FAT3: variants seen among roughly 807,000 people sequenced by gnomAD.
The protein encoded by FAT3 is protocadherin Fat 3.
Under a neutral mutation model 310.2 loss-of-function variants are expected in FAT3, and 95 were observed. The observed-to-expected ratio is 0.31, with a 90% CI of 0.26 to 0.36. The LOEUF is 0.36. Ranked by LOEUF, FAT3 falls within the 10% of genes least tolerant of loss-of-function variation. FAT3 has a pLI of 1.00. For missense variants in FAT3, 5,408 were observed against 5,715.6 expected (o/e 0.95, Z 1.74); for synonymous variants, 2,314 against 2,192.9 (o/e 1.06, Z -1.54).
chr11:92,780,694 A>C (rs949720602), intron 7 of FAT3, among the ~76,000 whole-genome samples: 6 of 152,152 alleles, frequency 3.9e-5, no homozygotes, highest in African/African-American at 1.4e-4. Flanking sequence ...ACCTGGCCCT[A>C]CTAGTTATGA....
In FAT3 at chr11:92,837,658, G is replaced by A. The variant is rs1591798163; in HGVS notation, c.10225-5G>A. The A allele has an allele frequency of 6.2e-7, 1 of 1,613,634 alleles. No individual in the cohort carries two copies. On this transcript the variant is annotated splice_polypyrimidine_tract_variant and splice_region_variant and intron_variant, in intron 16 of 27. Coordinates refer to ENST00000525166, the MANE Select transcript of FAT3 (RefSeq NM_001367949.2). ...CTTTACTGTCACCTCTTTGTACCTT[G>A]GCAGGTGTCTGGATACTCTCTGCTT...
chr11:92,878,587 T>A (rs1949589654), intron 22 of FAT3, among the ~76,000 whole-genome samples: 1 of 103,586 alleles, frequency 9.7e-6, no homozygotes, highest in African/African-American at 3.7e-5. Flanking sequence ...CTCAGACAGA[T>A]AAGAGAAGAT....
At chr11:92,700,373 T>C (rs1944062053) in intron 4 of FAT3, among the ~76,000 whole-genome samples, 1 of 152,062 alleles carries the variant, frequency 6.6e-6, no homozygotes, top group Non-Finnish European at 1.5e-5. Flanking sequence ...GGAAAGCCTT[T>C]AAGCAGGGGT....
At chr11:92,568,158 G>A (rs1027883037) in intron 3 of FAT3, among the ~76,000 whole-genome samples, 1 of 152,126 alleles carries the variant, frequency 6.6e-6, no homozygotes, top group African/African-American at 2.4e-5. Context: ...AAATCAATAA[G>A]GTGTCTGTCA....
intron 3 of FAT3, among the ~76,000 whole-genome samples, chr11:92,600,383 G>A (rs530107615): frequency 6.6e-6 from 1 of 152,278 alleles, no homozygotes; most frequent in East Asian, 1.9e-4. Flanking sequence ...AAAATCAGTT[G>A]GGGAGAGAAG....
chr11:92,259,975 A>G (rs537249835), intron 1 of FAT3, among the ~76,000 whole-genome samples: 2 of 152,268 alleles, frequency 1.3e-5, no homozygotes, highest in African/African-American at 4.8e-5. Flanking sequence ...CAAAGATAAG[A>G]CAGTTTTACT....
chr11:92,536,671 G>A (rs764546318), intron 3 of FAT3, among the ~76,000 whole-genome samples: 3 of 152,086 alleles, frequency 2.0e-5, no homozygotes, highest in Non-Finnish European at 4.4e-5. Flanking sequence ...TAGACAGTTC[G>A]TCTTTTCAAA....
chr11:92,441,414 A>G (rs532515793), intron 2 of FAT3, among the ~76,000 whole-genome samples: 2 of 152,350 alleles, frequency 1.3e-5, no homozygotes, highest in South Asian at 4.1e-4. Context: ...TGAAAAATGA[A>G]TAATCAAAAG....
chr11:92,269,643 A>G (rs920802361), intron 1 of FAT3, among the ~76,000 whole-genome samples: 11 of 152,156 alleles, frequency 7.2e-5, no homozygotes, highest in African/African-American at 1.7e-4. Flanking sequence ...AAAACCGTGC[A>G]TGTCTAGAGT....
intron 2 of FAT3, among the ~76,000 whole-genome samples, chr11:92,428,358 G>C (rs1164256975): frequency 6.7e-6 from 1 of 148,884 alleles, no homozygotes; most frequent in Non-Finnish European, 1.5e-5. Context: ...TTTTTCCAAG[G>C]GTTCTTCATG....
At chr11:92,581,841 A>C (rs1161842733) in intron 3 of FAT3, among the ~76,000 whole-genome samples, 1 of 152,046 alleles carries the variant, frequency 6.6e-6, no homozygotes, top group African/African-American at 2.4e-5. Flanking sequence ...CAGGAAAGGG[A>C]TCCAAATCCA....
chr11:92,256,964 A>G (rs1865342353), intron 1 of FAT3, among the ~76,000 whole-genome samples: 1 of 152,086 alleles, frequency 6.6e-6, no homozygotes, highest in African/African-American at 2.4e-5. Flanking sequence ...AATAGTAGCA[A>G]CATGTCCTAT....
At chr11:92,789,032 C>A (rs981358356) in intron 7 of FAT3, among the ~76,000 whole-genome samples, 4 of 152,060 alleles carry the variant, frequency 2.6e-5, no homozygotes, top group African/African-American at 9.7e-5. Context: ...GATAAACAAA[C>A]AAAACATACT....
At chr11:92,757,733 A>G (rs1946042471) in intron 4 of FAT3, among the ~76,000 whole-genome samples, 1 of 152,198 alleles carries the variant, frequency 6.6e-6, no homozygotes, top group East Asian at 1.9e-4. Flanking sequence ...CAGTTCAGCA[A>G]ACATTTATCC....
At chr11:92,340,935 C>G (rs979943454) in intron 1 of FAT3, among the ~76,000 whole-genome samples, 2 of 152,016 alleles carry the variant, frequency 1.3e-5, no homozygotes, top group Admixed American at 6.6e-5. Flanking sequence ...TGCGGAGATC[C>G]GGAAGACTAG....
intron 13 of FAT3, among the ~76,000 whole-genome samples, chr11:92,815,485 A>G (rs1048273155): frequency 6.6e-5 from 10 of 152,164 alleles, no homozygotes; most frequent in African/African-American, 2.4e-4. Flanking sequence ...AGGCAGGAGA[A>G]TGGCATGAAC....
chr11:92,478,752 GATTAT>G (rs888589740), intron 2 of FAT3, among the ~76,000 whole-genome samples: 2 of 151,900 alleles, frequency 1.3e-5, no homozygotes, highest in African/African-American at 2.4e-5. Flanking sequence ...GAGTAGCTGG[GATTAT>G]AGGTTCCCAC....
In FAT3 at chr11:92,645,770, T is replaced by A. The variant is rs151300958; in HGVS notation, c.3608-51614T>A. ...ATTTGGATATTACAAAAGTATTTAA[T>A]AACATTATTTGTTTTCATGTTCATT... On this transcript the variant is annotated intron_variant, in intron 3 of 27. Coordinates refer to ENST00000525166, the MANE Select transcript of FAT3 (RefSeq NM_001367949.2). Among the ~76,000 whole-genome samples, 384 of 152,374 alleles carry A rather than the reference T, an allele frequency of 2.5e-3. 2 individuals carry two copies. The highest frequency in any genetic ancestry group is 4.6e-3 in the Non-Finnish European group (310 of 68,044).
At chr11:92,549,505 G>A (rs1954728608) in intron 3 of FAT3, among the ~76,000 whole-genome samples, 1 of 152,182 alleles carries the variant, frequency 6.6e-6, no homozygotes, top group African/African-American at 2.4e-5. Context: ...GATGGATTAT[G>A]CAGTGAGACT....
Sources: allele counts gnomAD v4.1 joint callset (sites outside exome capture counted in the v4.1 genomes callset), GRCh38; gene constraint gnomAD v4.1.1; transcripts MANE v1.5; gene names NCBI Gene and HGNC (gene_info 2026-07-23, HGNC 2026-07-21).